The following NPW variants were observed in gnomAD, a reference collection of about 807,000 sequenced individuals.
NPW encodes prepro-neuropeptide W.
Under a neutral mutation model 9.9 loss-of-function variants are expected in NPW, and 8 were observed. That is an observed-to-expected ratio of 0.81 (90% CI 0.47 to 1.46). NPW has a LOEUF of 1.46. Among genes scored for constraint, NPW ranks in the 40% most tolerant of loss-of-function variants. The pLI, the probability that NPW is intolerant of heterozygous loss-of-function variation, is 0.00. For missense variants in NPW, 287 were observed against 240.3 expected (o/e 1.19, Z -1.28); for synonymous variants, 134 against 119.9 (o/e 1.12, Z -0.77).
rs1555488907 is a variant in NPW, at chr16:2,020,530, T to TAG, written c.413_414dup. The TAG allele has an allele frequency of 6.2e-7, 1 of 1,602,968 alleles. No individual in the cohort carries two copies. Among genetic ancestry groups the TAG allele is most frequent in the Non-Finnish European group, 8.5e-7 (1 of 1,171,824 alleles). On this transcript the variant is annotated splice_polypyrimidine_tract_variant and splice_region_variant and intron_variant, in intron 1 of 1. Coordinates refer to ENST00000566435, the MANE Select transcript of NPW (RefSeq NM_001099456.3). ...CCCCACGGCCTTGCTGTGTTCTCGT[T>TAG]AGAGACTTCGGAGAGACGTCTCCCG...
chr16:2,020,561 C>G lies in NPW; in HGVS notation c.440C>G (p.Ala147Gly). The G allele has an allele frequency of 6.2e-7, 1 of 1,609,596 alleles. No homozygotes were observed. The highest frequency in any genetic ancestry group is 8.5e-7 in the Non-Finnish European group (1 of 1,177,714). The change falls in exon 2 of 2, where the codon GCG becomes GGG. Residue 147 changes from alanine (A) to glycine (G), a missense_variant. Coordinates refer to ENST00000566435, the MANE Select transcript of NPW (RefSeq NM_001099456.3). ...CTTCGGAGAGACGTCTCCCGCCCAGCGGTGGACCCCGCAGCAAACCGCCTT... is the reference window on the plus strand; with the variant it reads ...CTTCGGAGAGACGTCTCCCGCCCAGGGGTGGACCCCGCAGCAAACCGCCTT...
chr16:2,020,654 C>A lies in NPW; in HGVS notation c.*35C>A. 1 of 1,431,046 alleles carries A rather than the reference C, an allele frequency of 7.0e-7. No homozygotes were observed. The highest frequency in any genetic ancestry group is 9.7e-7 in the Non-Finnish European group (1 of 1,028,148). 88.6% of individuals were successfully genotyped at this position (1,431,046 alleles called of 1,614,324 possible). A position where few individuals can be genotyped will look rare whatever the true frequency, so the allele number is the denominator to read the frequency against. On this transcript the variant is annotated 3_prime_UTR_variant, in exon 2 of 2. Coordinates refer to ENST00000566435, the MANE Select transcript of NPW (RefSeq NM_001099456.3). The stretch of plus-strand genomic sequence containing the variant: ...CCGCCCGCCCGTGGCGCCTCCGCGC[C>A]TGACCCAGGAGGAGTGGCCGCGCGC...
rs768854441 is a variant in NPW, at chr16:2,020,286, T to C, written c.385T>C (p.Ser129Pro). The change falls in exon 1 of 2, where the codon TCC becomes CCC. Residue 129 changes from serine to proline, a missense_variant. By Grantham distance (74) the Ser-to-Pro change is moderately conservative. Transcript: ENST00000566435. ...CCCAGAGCCTGCGCTGGAACCGGAG[T>C]CCCTGGACTTCAGCGGAGCTGGCCA... The C allele has an allele frequency of 1.3e-6, 2 of 1,521,532 alleles. 1 individual carries two copies. The highest frequency in any genetic ancestry group is 2.4e-5 in the South Asian group (2 of 82,816). 94.3% of individuals were successfully genotyped at this position (1,521,532 alleles called of 1,614,324 possible). A position where few individuals can be genotyped will look rare whatever the true frequency, so the allele number is the denominator to read the frequency against.
In NPW at chr16:2,020,568, C is replaced by A; in HGVS notation, c.447C>A (p.Asp149Glu). The A allele has an allele frequency of 1.2e-6, 2 of 1,609,730 alleles. No homozygotes were observed. The highest frequency in any genetic ancestry group is 1.3e-5 in the African/African-American group (1 of 74,526). Residue 149 changes from aspartate to glutamate, a missense_variant, in exon 2 of 2, where the codon GAC (aspartate) becomes GAA (glutamate). Physicochemically the swap from Asp to Glu is conservative, Grantham distance 45. Transcript: ENST00000566435. ...GAGACGTCTCCCGCCCAGCGGTGGA[C>A]CCCGCAGCAAACCGCCTTGGCCTGC... is the stretch of plus-strand genomic sequence containing the variant.
At position 2,020,253 on chromosome 16, in the gene NPW, C is replaced by A; in HGVS notation, c.352C>A (p.Pro118Thr). 1 of 1,553,210 alleles carries A rather than the reference C, an allele frequency of 6.4e-7. No homozygotes were observed. The highest frequency in any genetic ancestry group is 2.4e-5 in the East Asian group (1 of 42,132). Reference sequence around the variant, plus strand: ...GATCCCCGTCCGTGCGCCCCGGAGCCCGCGCGCCCCAGAGCCTGCGCTGGA... The same window carrying A: ...GATCCCCGTCCGTGCGCCCCGGAGCACGCGCGCCCCAGAGCCTGCGCTGGA... Residue 118 changes from proline (P) to threonine (T), a missense_variant, in exon 1 of 2, where the codon CCG (proline) becomes ACG (threonine). Physicochemically the swap from Pro to Thr is conservative, Grantham distance 38. Transcript: ENST00000566435.
chr16:2,020,121 G>A lies in NPW; in HGVS notation c.220G>A (p.Ala74Thr), dbSNP rs2083828975. ...GCTGCGCGCGGCCGCCGGGCCCCTG[G>A]CCAGGGACACCCTCTCCCCCGAACC... Residue 74 changes from alanine to threonine, a missense_variant, in exon 1 of 2, where the codon GCC (alanine) becomes ACC (threonine). Physicochemically the swap from Ala to Thr is moderately conservative, Grantham distance 58. Coordinates refer to ENST00000566435, the MANE Select transcript of NPW (RefSeq NM_001099456.3). 3 of 1,548,716 alleles carry A rather than the reference G, an allele frequency of 1.9e-6. No homozygotes were observed. Among genetic ancestry groups the A allele is most frequent in the African/African-American group, 1.4e-5 (1 of 71,258 alleles).
intron 1 of NPW, 91 bp downstream of exon 1, chr16:2,020,403 C>T (rs2083831569): frequency 9.3e-6 from 12 of 1,293,834 alleles, no homozygotes; most frequent in Non-Finnish European, 1.2e-5. Context: ...TCAGGGGGCA[C>T]CCTCGGGCCC....
chr16:2,019,840 G>A lies in NPW; in HGVS notation c.-62G>A. 1 of 1,202,984 alleles carries A rather than the reference G, an allele frequency of 8.3e-7. No homozygotes were observed. Among genetic ancestry groups the A allele is most frequent in the Non-Finnish European group, 1.0e-6 (1 of 970,398 alleles). 74.5% of individuals were successfully genotyped at this position (1,202,984 alleles called of 1,614,324 possible). ...CCTGGGCGTCCCAACTCCACTGCGC[G>A]CCCAAACCCAGCCGAGCCGGTTCGT... is the stretch of plus-strand genomic sequence containing the variant. On this transcript the variant is annotated 5_prime_UTR_variant, in exon 1 of 2. Coordinates refer to ENST00000566435, the MANE Select transcript of NPW (RefSeq NM_001099456.3).
rs747124016 is a variant in NPW, at chr16:2,020,628, C to G, written c.*9C>G. 2 of 1,561,134 alleles carry G rather than the reference C, an allele frequency of 1.3e-6. No individual in the cohort carries two copies. The highest frequency in any genetic ancestry group is 1.7e-5 in the Admixed American group (1 of 58,032). ...CCCCCGGACCGTTCTGACAGCGTCC[C>G]CCGCCCGCCCGTGGCGCCTCCGCGC... On this transcript the variant is annotated 3_prime_UTR_variant, in exon 2 of 2. Coordinates refer to ENST00000566435, the MANE Select transcript of NPW (RefSeq NM_001099456.3).
chr16:2,020,381 G>A, intron 1 of NPW, 69 bp downstream of exon 1: 2 of 1,367,820 alleles, frequency 1.5e-6, no homozygotes, highest in Non-Finnish European at 2.0e-6. Context: ...GCCGGAGCAC[G>A]GAGCCGCGCG....
In NPW at chr16:2,020,534, G is replaced by A. The variant is rs2083832632; in HGVS notation, c.413G>A (p.Arg138Lys). The stretch of plus-strand genomic sequence containing the variant: ...ACGGCCTTGCTGTGTTCTCGTTAGA[G>A]ACTTCGGAGAGACGTCTCCCGCCCA... The change falls in exon 2 of 2, where the codon AGA becomes AAA. Residue 138 changes from arginine (R) to lysine (K), a missense_variant and splice_region_variant. Arg to Lys is a conservative substitution (Grantham distance 26). Transcript: ENST00000566435. The A allele has an allele frequency of 1.2e-6, 2 of 1,605,462 alleles. No individual in the cohort carries two copies. The highest frequency in any genetic ancestry group is 8.5e-7 in the Non-Finnish European group (1 of 1,174,002).
rs1406592930 is a variant in NPW at position 2,020,689 on chromosome 16, C to T, written c.*70C>T. The T allele has an allele frequency of 3.2e-6, 3 of 952,292 alleles. No individual in the cohort carries two copies. In the South Asian group the frequency reaches 4.4e-5, roughly 14 times the overall value. 59.0% of individuals were successfully genotyped at this position (952,292 alleles called of 1,614,324 possible). A position where few individuals can be genotyped will look rare whatever the true frequency, so the allele number is the denominator to read the frequency against. On this transcript the variant is annotated 3_prime_UTR_variant, in exon 2 of 2. Coordinates refer to ENST00000566435, the MANE Select transcript of NPW (RefSeq NM_001099456.3). ...AGGAGTGGCCGCGCGCTTCCAGGAG[C>T]CGCTCATAGACCCCGCCTGCCGTCC...
chr16:2,020,529 T>A lies in NPW; in HGVS notation c.412-4T>A, dbSNP rs1316553734. 6 of 1,602,414 alleles carry A rather than the reference T, an allele frequency of 3.7e-6. No homozygotes were observed. The highest frequency in any genetic ancestry group is 1.7e-4 in the Middle Eastern group (1 of 6,060). On this transcript the variant is annotated splice_region_variant and splice_polypyrimidine_tract_variant and intron_variant, in intron 1 of 1. Coordinates refer to ENST00000566435, the MANE Select transcript of NPW (RefSeq NM_001099456.3). ...TCCCCACGGCCTTGCTGTGTTCTCG[T>A]TAGAGACTTCGGAGAGACGTCTCCC...
At position 2,020,014 on chromosome 16, in the gene NPW, C is replaced by T; in HGVS notation, c.113C>T (p.Ala38Val). Residue 38 changes from alanine to valine, a missense_variant, in exon 1 of 2, where the codon GCG (alanine) becomes GTG (valine). By Grantham distance (64) the Ala-to-Val change is moderately conservative. Transcript: ENST00000566435. ...TCCGGCGCGTGGTACAAGCACGTGG[C>T]GAGTCCCCGCTACCACACGGTGGGC... The T allele has an allele frequency of 6.7e-7, 1 of 1,497,976 alleles. No individual in the cohort carries two copies. The highest frequency in any genetic ancestry group is 8.9e-7 in the Non-Finnish European group (1 of 1,129,586). 92.8% of individuals were successfully genotyped at this position (1,497,976 alleles called of 1,614,324 possible). A position where few individuals can be genotyped will look rare whatever the true frequency, so the allele number is the denominator to read the frequency against.
rs1219573691 is a variant in NPW at position 2,020,525 on chromosome 16, C to G, written c.412-8C>G. The G allele has an allele frequency of 2.5e-6, 4 of 1,599,452 alleles. No homozygotes were observed. In the African/African-American group the frequency reaches 4.1e-5, roughly 16 times the overall value. On this transcript the variant is annotated splice_region_variant and splice_polypyrimidine_tract_variant and intron_variant, in intron 1 of 1. Transcript: ENST00000566435. ...CTCCTCCCCACGGCCTTGCTGTGTT[C>G]TCGTTAGAGACTTCGGAGAGACGTC...
chr16:2,020,488 G>T, intron 1 of NPW, 45 bp from the exon 2 acceptor site: 1 of 1,440,058 alleles, frequency 6.9e-7, no homozygotes, highest in Non-Finnish European at 9.7e-7. Flanking sequence ...GCGGTGGTTG[G>T]AGGGCCACAG....
At position 2,020,594 on chromosome 16, in the gene NPW, C is replaced by A. The variant is rs767012560; in HGVS notation, c.473C>A (p.Pro158His). The A allele has an allele frequency of 2.5e-6, 4 of 1,606,226 alleles. No individual in the cohort carries two copies. In the African/African-American group the frequency reaches 5.4e-5, roughly 22 times the overall value. The change falls in exon 2 of 2, where the codon CCC (proline) becomes CAC (histidine). Residue 158 changes from proline to histidine, a missense_variant. Transcript: ENST00000566435. ...CCCGCAGCAAACCGCCTTGGCCTGC[C>A]CTGCCTGGCCCCCGGACCGTTCTGA...
Position 2,020,237 on chromosome 16 carries a change from C to T in NPW, c.336C>T (p.Val112=), listed in dbSNP as rs1387726655. ...GGAGCTCCCAGGCAGGGATCCCCGT[C>T]CGTGCGCCCCGGAGCCCGCGCGCCC... The change falls in exon 1 of 2, where the codon GTC becomes GTT. Residue 112 remains valine (V), a synonymous_variant. Transcript: ENST00000566435. The T allele has an allele frequency of 2.5e-6, 4 of 1,571,120 alleles. No individual in the cohort carries two copies.
In NPW at chr16:2,020,209, G is replaced by T; in HGVS notation, c.308G>T (p.Arg103Leu). The T allele has an allele frequency of 1.3e-6, 2 of 1,594,568 alleles. No homozygotes were observed. The highest frequency in any genetic ancestry group is 8.5e-7 in the Non-Finnish European group (1 of 1,174,034). Residue 103 changes from arginine (R) to leucine (L), a missense_variant, in exon 1 of 2, where the codon CGC (arginine) becomes CTC (leucine). By Grantham distance (102) the Arg-to-Leu change is moderately radical. Coordinates refer to ENST00000566435, the MANE Select transcript of NPW (RefSeq NM_001099456.3). ...GTTCAGGAGCTGTGGGAGACGCGAC[G>T]CAGGAGCTCCCAGGCAGGGATCCCC...
Sources: allele counts gnomAD v4.1 joint callset, GRCh38; gene constraint gnomAD v4.1.1; transcripts MANE v1.5; gene names NCBI Gene and HGNC (gene_info 2026-07-23, HGNC 2026-07-21).